The following SETD2 variants were observed in gnomAD, a reference collection of about 807,000 sequenced individuals.
The protein encoded by SETD2 is histone-lysine N-methyltransferase SETD2.
A neutral mutation model predicts 242.1 loss-of-function variants in SETD2; 31 were observed. That is an observed-to-expected ratio of 0.13 (90% CI 0.10 to 0.17). The LOEUF (loss-of-function observed/expected upper bound fraction) is 0.17. Ranked by LOEUF, SETD2 falls within the 10% of genes least tolerant of loss-of-function variation. SETD2 has a pLI of 1.00. For missense variants in SETD2, 2,481 were observed against 3,046.3 expected (o/e 0.81, Z 4.37); for synonymous variants, 1,006 against 1,066.5 (o/e 0.94, Z 1.11).
intron 1 of SETD2, among the ~76,000 whole-genome samples, chr3:47,130,002 G>C (rs954893505): frequency 1.6e-4 from 24 of 152,160 alleles, no homozygotes; most frequent in Admixed American, 4.6e-4. Flanking sequence ...GGCAACAGAA[G>C]TGGAAGTAGA....
chr3:47,132,549 TGTTTAAGAATCTGGATAA>T (rs1243558297), intron 1 of SETD2, among the ~76,000 whole-genome samples: 8 of 152,168 alleles, frequency 5.3e-5, no homozygotes, highest in South Asian at 2.1e-4. Context: ...ACATCAAAAA[TGTTTAAGAATCTGGATAA>T]GAACTTAACT....
At position 47,016,997 on chromosome 3, in the gene SETD2, C is replaced by T; in HGVS notation, c.*96G>A. ...CCAGGGTGATGTATCATCAGTAGCA[C>T]AGTGCTGACAGGGGTGGGACAGAAA... On this transcript the variant is annotated 3_prime_UTR_variant, in exon 21 of 21. Coordinates refer to ENST00000409792, the MANE Select transcript of SETD2 (RefSeq NM_014159.7). 2 of 1,204,624 alleles carry T rather than the reference C, an allele frequency of 1.7e-6. No individual in the cohort carries two copies. The highest frequency in any genetic ancestry group is 2.4e-6 in the Non-Finnish European group (2 of 826,376). 74.6% of individuals were successfully genotyped at this position (1,204,624 alleles called of 1,614,324 possible).
intron 18 of SETD2, chr3:47,028,755 GC>G (rs927526101): frequency 2.0e-4 from 31 of 152,278 alleles, no homozygotes; most frequent in African/African-American, 7.2e-4. Flanking sequence ...AAACTACTGG[GC>G]CAAAGGGACA....
At chr3:47,124,625 T>C (rs2043253498) in intron 2 of SETD2, 77 bp from the exon 3 acceptor site, 2 of 1,273,574 alleles carry the variant, frequency 1.6e-6, no homozygotes, top group South Asian at 3.3e-5. Flanking sequence ...TTAAAATGTT[T>C]ACTGGAGAAA....
chr3:47,136,469 A>AATG (rs1176187421), intron 1 of SETD2, among the ~76,000 whole-genome samples: 2 of 152,188 alleles, frequency 1.3e-5, no homozygotes, highest in African/African-American at 2.4e-5. Context: ...AAAATGAATG[A>AATG]AATCATGTTG....
At chr3:47,110,235 C>G (rs1402716552) in intron 5 of SETD2, among the ~76,000 whole-genome samples, 1 of 152,000 alleles carries the variant, frequency 6.6e-6, no homozygotes, top group Admixed American at 6.6e-5. Flanking sequence ...CAGAAACAGA[C>G]AGCAAATTAG....
intron 12 of SETD2, among the ~76,000 whole-genome samples, chr3:47,075,551 C>CA (rs745317772): frequency 3.2e-5 from 1 of 31,524 alleles, no homozygotes; most frequent in Non-Finnish European, 6.0e-5. Flanking sequence ...GCAACAAAAT[C>CA]AAAACTCCGT....
At chr3:47,091,352 A>T (rs930302035) in intron 9 of SETD2, among the ~76,000 whole-genome samples, 1 of 152,184 alleles carries the variant, frequency 6.6e-6, no homozygotes, top group Admixed American at 6.6e-5. Context: ...TTTCAGCCAG[A>T]CACAGTGGCT....
chr3:47,157,529 C>A, intron 1 of SETD2: 1 of 455,986 alleles, frequency 2.2e-6, no homozygotes, highest in South Asian at 1.5e-5. Context: ...CATCATGGCG[C>A]CTCATAAGTA....
chr3:47,075,402 A>T (rs2041016811), intron 12 of SETD2, among the ~76,000 whole-genome samples: 1 of 151,168 alleles, frequency 6.6e-6, no homozygotes, highest in African/African-American at 2.4e-5. Flanking sequence ...TCTACTAAAA[A>T]TACAAAAAGA....
At chr3:47,157,541 C>A (rs547852607) in intron 1 of SETD2, 1 of 455,986 alleles carries the variant, frequency 2.2e-6, no homozygotes, top group Admixed American at 2.3e-5. Context: ...TCATAAGTAC[C>A]GTTCTTTCTA....
chr3:47,111,898 C>G (rs1043420295), intron 5 of SETD2, among the ~76,000 whole-genome samples: 1 of 152,082 alleles, frequency 6.6e-6, no homozygotes, highest in Non-Finnish European at 1.5e-5. Context: ...ACAGATTAAA[C>G]CCCACCAAGT....
At chr3:47,029,627 T>C (rs2038674021) in intron 18 of SETD2, among the ~76,000 whole-genome samples, 1 of 152,140 alleles carries the variant, frequency 6.6e-6, no homozygotes, top group African/African-American at 2.4e-5. Flanking sequence ...GACAGGAAGA[T>C]ATCAGGGATT....
intron 12 of SETD2, among the ~76,000 whole-genome samples, 183 bp from the exon 13 acceptor site, chr3:47,067,301 A>G (rs566089815): frequency 2.6e-5 from 4 of 152,278 alleles, no homozygotes; most frequent in African/African-American, 9.6e-5. Context: ...AAAACAAGAA[A>G]AAATATATAG....
At chr3:47,058,827 C>A (rs1027036917) in intron 14 of SETD2, among the ~76,000 whole-genome samples, 1 of 151,572 alleles carries the variant, frequency 6.6e-6, no homozygotes, top group Non-Finnish European at 1.5e-5. Context: ...TGGAGTCTCA[C>A]TCTGTTGCCC....
In SETD2 at chr3:47,122,106, G is replaced by C; in HGVS notation, c.2530C>G (p.His844Asp). Reference protein sequence around the residue: ...VICDSRNLTDHSKFACEEYKQ... With the variant: ...VICDSRNLTDDSKFACEEYKQ... ...TATTCTTCACATGCAAATTTTGAGT[G>C]ATCTGTCAAATTTCTACTATCACAT... The change falls in exon 3 of 21, where the codon CAC (histidine) becomes GAC (aspartate). Residue 844 changes from histidine (H) to aspartate (D), a missense_variant. Coordinates refer to ENST00000409792, the MANE Select transcript of SETD2 (RefSeq NM_014159.7). 2 of 1,613,828 alleles carry C rather than the reference G, an allele frequency of 1.2e-6. No individual in the cohort carries two copies. The highest frequency in any genetic ancestry group is 1.7e-5 in the Admixed American group (1 of 60,012).
In SETD2 at chr3:47,017,024, G is replaced by A. The variant is rs2107483714; in HGVS notation, c.*69C>T. 2 of 1,458,498 alleles carry A rather than the reference G, an allele frequency of 1.4e-6. No homozygotes were observed. Among genetic ancestry groups the A allele is most frequent in the African/African-American group, 1.4e-5 (1 of 72,030 alleles). The allele number at this position is 1,458,498 out of a possible 1,614,324, so 90.3% of individuals were successfully genotyped here. A position where few individuals can be genotyped will look rare whatever the true frequency, so the allele number is the denominator to read the frequency against. ...GTGCTGACAGGGGTGGGACAGAAAG[G>A]CCCACAGGATTTCCTCTCCCTAGAG... On this transcript the variant is annotated 3_prime_UTR_variant, in exon 21 of 21. Transcript: ENST00000409792. This position sits in a 1 kb window ranked among gnomAD's most constrained non-coding sequence, Gnocchi z 4.8.
At position 47,086,223 on chromosome 3, in the gene SETD2, C is replaced by T. The variant is rs376246790; in HGVS notation, c.5369G>A (p.Arg1790Gln). Residue 1790 changes from arginine (R) to glutamine (Q), a missense_variant, in exon 11 of 21, where the codon CGG becomes CAG. Arg to Gln is a conservative substitution (Grantham distance 43). Transcript: ENST00000409792. The part of the protein sequence containing the change: ...WIWMAELGDG[R>Q]ESNQKLQEEI... ...TTCCTGAAGCTTCTGGTTACTTTCC[C>T]GGCCGTCACCTAGCTCTGCCATCCA... The T allele has an allele frequency of 1.5e-5, 24 of 1,613,066 alleles. No homozygotes were observed. The African/African-American group carries it at 2.0e-4, about 13-fold the overall frequency.
At chr3:47,049,966 TTA>T (rs1005537319) in intron 15 of SETD2, among the ~76,000 whole-genome samples, 28 of 146,950 alleles carry the variant, frequency 1.9e-4, no homozygotes, top group African/African-American at 5.9e-4. Context: ...GTACATATAT[TTA>T]TATGTTTTTC....
Sources: allele counts gnomAD v4.1 joint callset (sites outside exome capture counted in the v4.1 genomes callset), GRCh38; gene constraint gnomAD v4.1.1; non-coding constraint Gnocchi (gnomAD v3.1); transcripts MANE v1.5; gene names NCBI Gene and HGNC (gene_info 2026-07-23, HGNC 2026-07-21).